PRKN: variants seen among roughly 807,000 people sequenced by gnomAD.
PRKN encodes parkin RBR E3 ubiquitin protein ligase, also known as E3 ubiquitin-protein ligase parkin.
Under a neutral mutation model 59.5 loss-of-function variants are expected in PRKN, and 56 were observed. That is an observed-to-expected ratio of 0.94 (90% CI 0.76 to 1.18). The LOEUF (loss-of-function observed/expected upper bound fraction) is 1.18, where lower values mean the gene tolerates loss of function less well. PRKN is among the 50% of genes most tolerant of loss of function. PRKN has a pLI of 0.00. For missense variants in PRKN, 657 were observed against 596.4 expected (o/e 1.10, Z -1.06); for synonymous variants, 250 against 222.1 (o/e 1.13, Z -1.12).
chr6:162,249,269 T>C (rs1779328658), intron 3 of PRKN, among the ~76,000 whole-genome samples: 1 of 152,218 alleles, frequency 6.6e-6, no homozygotes, highest in Non-Finnish European at 1.5e-5. Flanking sequence ...CTCCTTACTT[T>C]TTCATGAGAA....
intron 2 of PRKN, among the ~76,000 whole-genome samples, chr6:162,333,437 C>G (rs1783681382): frequency 6.6e-6 from 1 of 152,108 alleles, no homozygotes; most frequent in Admixed American, 6.6e-5. Context: ...GTCTCTGCAT[C>G]ACATTTTGGT....
chr6:161,731,064 T>C (rs1249004633), intron 7 of PRKN, among the ~76,000 whole-genome samples: 1 of 152,246 alleles, frequency 6.6e-6, no homozygotes, highest in African/African-American at 2.4e-5. Context: ...TTCTGAAGTG[T>C]TGCATTCTTT....
At chr6:161,950,479 T>C (rs1434282013) in intron 6 of PRKN, among the ~76,000 whole-genome samples, 1 of 152,026 alleles carries the variant, frequency 6.6e-6, no homozygotes, top group Non-Finnish European at 1.5e-5. Context: ...GGGAGGCAGA[T>C]GTTTAAGTGA....
intron 8 of PRKN, among the ~76,000 whole-genome samples, chr6:161,563,321 T>C (rs1254067011): frequency 6.6e-6 from 1 of 152,192 alleles, no homozygotes; most frequent in African/African-American, 2.4e-5. Flanking sequence ...GTTGAATGGA[T>C]AAAGGTTATT....
chr6:161,715,097 C>T (rs1241573178), intron 7 of PRKN, among the ~76,000 whole-genome samples: 1 of 152,216 alleles, frequency 6.6e-6, no homozygotes, highest in Non-Finnish European at 1.5e-5. Flanking sequence ...GCTGCACCTC[C>T]GCTCAGTCCA....
intron 7 of PRKN, among the ~76,000 whole-genome samples, chr6:161,714,430 G>T (rs1562627239): frequency 1.3e-5 from 2 of 152,212 alleles, no homozygotes; most frequent in Non-Finnish European, 2.9e-5. Context: ...CTTTTGCCAT[G>T]TGAAGACACA....
chr6:161,432,449 G>A (rs1583059600), intron 9 of PRKN, among the ~76,000 whole-genome samples: 1 of 140,240 alleles, frequency 7.1e-6, no homozygotes, highest in African/African-American at 2.7e-5. Context: ...TGCAACCTCT[G>A]CCTCCCGGGT....
At chr6:162,261,486 C>T (rs1477808108) in intron 3 of PRKN, among the ~76,000 whole-genome samples, 1 of 152,106 alleles carries the variant, frequency 6.6e-6, no homozygotes. Context: ...CTGGTTGAAA[C>T]GTCAGAATTG....
chr6:162,046,284 G>A (rs1234396896), intron 5 of PRKN, among the ~76,000 whole-genome samples: 4 of 152,098 alleles, frequency 2.6e-5, no homozygotes, highest in Non-Finnish European at 4.4e-5. Flanking sequence ...TTTATAAACC[G>A]GTATAAAATT....
At chr6:162,607,178 G>C (rs181134862) in intron 1 of PRKN, among the ~76,000 whole-genome samples, 1 of 152,258 alleles carries the variant, frequency 6.6e-6, no homozygotes, top group Non-Finnish European at 1.5e-5. Context: ...GTCTAGACTA[G>C]AGATTGATTC....
chr6:161,837,506 C>CATTG (rs1183407117), intron 6 of PRKN, among the ~76,000 whole-genome samples: 6 of 151,778 alleles, frequency 4.0e-5, no homozygotes, highest in Non-Finnish European at 8.8e-5. Context: ...ACAGCCTTAG[C>CATTG]ATTGGGCTGC....
chr6:161,793,573 A>G (rs1319946099), intron 6 of PRKN, among the ~76,000 whole-genome samples: 1 of 151,764 alleles, frequency 6.6e-6, no homozygotes, highest in African/African-American at 2.4e-5. Flanking sequence ...AAAGTGAACA[A>G]GAATGTTCCA....
chr6:162,212,113 T>C (rs1785227366), intron 3 of PRKN, among the ~76,000 whole-genome samples: 1 of 152,144 alleles, frequency 6.6e-6, no homozygotes, highest in Admixed American at 6.5e-5. Context: ...CATGAGTATC[T>C]CAGTCAAAAG....
In PRKN at chr6:161,457,441, C is replaced by T. The variant is rs1790024010; in HGVS notation, c.1084-70564G>A. Among the ~76,000 whole-genome samples, 1 of 152,098 alleles carries T rather than the reference C, an allele frequency of 6.6e-6. No individual in the cohort carries two copies. The highest frequency in any genetic ancestry group is 1.5e-5 in the Non-Finnish European group (1 of 68,022). On this transcript the variant is annotated intron_variant, in intron 9 of 11. Coordinates refer to ENST00000366898, the MANE Select transcript of PRKN (RefSeq NM_004562.3). The surrounding 1 kb of genome is among the most constrained non-coding windows in gnomAD (Gnocchi z 5.0). ...AATAGAAATTACCTCTTCTAATTGC[C>T]CTACAATGATACAACTGTATTCTGA...
intron 2 of PRKN, chr6:162,275,056 G>A (rs1485898734): frequency 1.3e-5 from 2 of 148,878 alleles, no homozygotes; most frequent in Non-Finnish European, 2.9e-5. Context: ...ACTCCAGTCT[G>A]GGCGACAGAG....
chr6:162,354,233 G>A (rs1423944198), intron 2 of PRKN, among the ~76,000 whole-genome samples: 1 of 152,086 alleles, frequency 6.6e-6, no homozygotes, highest in Admixed American at 6.6e-5. Flanking sequence ...CTAAGAGAGT[G>A]GTTGTTATCA....
intron 8 of PRKN, among the ~76,000 whole-genome samples, chr6:161,567,363 T>C (rs1780694458): frequency 6.6e-6 from 1 of 152,174 alleles, no homozygotes; most frequent in Non-Finnish European, 1.5e-5. Context: ...CCTTTTTCAT[T>C]TCCTTTTTCT....
chr6:161,426,735 T>C (rs1330419848), intron 9 of PRKN, among the ~76,000 whole-genome samples: 2 of 151,936 alleles, frequency 1.3e-5, no homozygotes, highest in Admixed American at 6.6e-5. Context: ...TATTTATTTG[T>C]TGAGACAGAG....
rs61368267 is a variant in PRKN at position 162,271,016 on chromosome 6, G to GTTT, written c.172-8254_172-8252dup. 7.4e-3 allele frequency among the ~76,000 whole-genome samples: 802 copies of GTTT among 108,228 alleles called. 37 individuals are homozygous for GTTT. The highest frequency in any genetic ancestry group is 0.024 in the African/African-American group (620 of 26,012). The allele number at this position is 108,228 out of a possible 152,430, so 71.0% of individuals were successfully genotyped here. On this transcript the variant is annotated intron_variant, in intron 2 of 11. Transcript: ENST00000366898. Reference sequence around the variant, plus strand: ...GCCACTACACCTAGCTAATTTTCTAGTTTTTTTTTTTTTTTTTTTTTGTAG... The same window carrying GTTT: ...GCCACTACACCTAGCTAATTTTCTAGTTTTTTTTTTTTTTTTTTTTTTTTGTAG...
Sources: gnomAD v4.1 joint callset for allele counts (sites outside exome capture counted in the v4.1 genomes callset) on GRCh38, gnomAD v4.1.1 for gene constraint, Gnocchi (gnomAD v3.1) non-coding constraint, MANE v1.5 for transcripts, NCBI Gene and HGNC (gene_info 2026-07-23, HGNC 2026-07-21) for gene names.